Variants in SLCO2A1 observed in about 807,000 individuals in gnomAD.
SLCO2A1 encodes the protein solute carrier organic anion transporter family member 2A1, also known as matrin F/G 1.
Under a neutral mutation model 71.7 loss-of-function variants are expected in SLCO2A1, and 60 were observed. The ratio of observed to expected loss-of-function variants is 0.84; its 90% CI spans 0.68 to 1.04. The LOEUF is 1.04. Ranked by LOEUF, SLCO2A1 falls within the 50% of genes least tolerant of loss-of-function variation. The probability of loss-of-function intolerance (pLI) is 0.00; values close to 1 mark genes in which losing one functional copy is unlikely to be tolerated. For missense variants in SLCO2A1, 745 were observed against 813.4 expected (o/e 0.92, Z 1.02); for synonymous variants, 308 against 326.7 (o/e 0.94, Z 0.62).
chr3:133,968,468 C>T (rs528717169), intron 3 of SLCO2A1, among the ~76,000 whole-genome samples: 1 of 152,222 alleles, frequency 6.6e-6, no homozygotes, highest in Non-Finnish European at 1.5e-5. Context: ...CCACCGCCTT[C>T]TTTCCCAGGG....
intron 9 of SLCO2A1, 122 bp downstream of exon 9, chr3:133,947,133 CA>C (rs376201375): frequency 0.14 from 88,002 of 638,912 alleles, 32 homozygotes; most frequent in South Asian, 0.19. Context: ...GACTCTGTCT[CA>C]AAAAAAAAAA....
intron 1 of SLCO2A1, among the ~76,000 whole-genome samples, chr3:134,012,684 A>G (rs1188403452): frequency 6.6e-6 from 1 of 152,218 alleles, no homozygotes; most frequent in Admixed American, 6.5e-5. Flanking sequence ...GGACTTCTAC[A>G]TAGAAACCAG....
chr3:134,027,940 A>G (rs1014485895), intron 1 of SLCO2A1, among the ~76,000 whole-genome samples: 3 of 152,244 alleles, frequency 2.0e-5, no homozygotes, highest in African/African-American at 7.2e-5. Flanking sequence ...GACTAACAGA[A>G]TCTCATTTTT....
chr3:133,971,253 GCTCT>G (rs1216888215), intron 3 of SLCO2A1, among the ~76,000 whole-genome samples: 8 of 152,248 alleles, frequency 5.3e-5, no homozygotes, highest in Non-Finnish European at 1.0e-4. Flanking sequence ...TGGCCACACT[GCTCT>G]CTGAGAAGAT....
chr3:134,009,659 C>T (rs954848009), intron 1 of SLCO2A1, among the ~76,000 whole-genome samples: 2 of 152,222 alleles, frequency 1.3e-5, no homozygotes, highest in Admixed American at 6.5e-5. Flanking sequence ...GGCTTACAAC[C>T]ATGGGTTAGG....
At chr3:133,962,757 T>C (rs939460366) in intron 3 of SLCO2A1, among the ~76,000 whole-genome samples, 1 of 152,216 alleles carries the variant, frequency 6.6e-6, no homozygotes, top group Admixed American at 6.5e-5. Context: ...TATAGAAGCA[T>C]GGCAGGTTAG....
chr3:133,956,076 C>T (rs907274865), intron 3 of SLCO2A1, among the ~76,000 whole-genome samples: 1 of 152,196 alleles, frequency 6.6e-6, no homozygotes, highest in Non-Finnish European at 1.5e-5. Context: ...CTTAGGGGTT[C>T]TCGAGGGCTC....
chr3:133,946,889 C>A (rs1933591205), intron 9 of SLCO2A1, among the ~76,000 whole-genome samples: 2 of 151,986 alleles, frequency 1.3e-5, no homozygotes, highest in African/African-American at 4.8e-5. Flanking sequence ...CTGTGGCAGG[C>A]AGATCACTTG....
intron 3 of SLCO2A1, among the ~76,000 whole-genome samples, chr3:133,961,875 A>G (rs1255098215): frequency 1.3e-5 from 2 of 152,178 alleles, no homozygotes; most frequent in African/African-American, 4.8e-5. Context: ...AGGGAACAGC[A>G]GTTAAATGCA....
chr3:134,013,283 T>A (rs1274137540), intron 1 of SLCO2A1, among the ~76,000 whole-genome samples: 1 of 152,188 alleles, frequency 6.6e-6, no homozygotes, highest in Admixed American at 6.5e-5. Context: ...GAGGAAGTTT[T>A]CAAAAGGGCC....
chr3:133,973,601 C>A (rs1338055334), intron 3 of SLCO2A1, 62 bp downstream of exon 3: 1 of 1,577,026 alleles, frequency 6.3e-7, no homozygotes, highest in Non-Finnish European at 8.7e-7. Flanking sequence ...AGTATCCCCA[C>A]TAACTTTGTG....
At chr3:133,939,432 G>C (rs926440367) in intron 11 of SLCO2A1, among the ~76,000 whole-genome samples, 1 of 152,166 alleles carries the variant, frequency 6.6e-6, no homozygotes, top group African/African-American at 2.4e-5. Flanking sequence ...TGCTTGTCAG[G>C]AAGAGCCTTC....
At chr3:134,029,357 A>G (rs1479315695) in intron 1 of SLCO2A1, among the ~76,000 whole-genome samples, 3 of 152,172 alleles carry the variant, frequency 2.0e-5, no homozygotes, top group Non-Finnish European at 2.9e-5. Flanking sequence ...CCTCGAGATG[A>G]TCTTTTTCAA....
At chr3:133,988,635 C>G (rs938051281) in intron 1 of SLCO2A1, among the ~76,000 whole-genome samples, 1 of 152,136 alleles carries the variant, frequency 6.6e-6, no homozygotes, top group African/African-American at 2.4e-5. Context: ...CTCTTTTTGT[C>G]GACAACAGGA....
At chr3:133,988,797 G>A (rs908680868) in intron 1 of SLCO2A1, among the ~76,000 whole-genome samples, 3 of 152,152 alleles carry the variant, frequency 2.0e-5, no homozygotes, top group Admixed American at 2.0e-4. Context: ...TCTCTAGGCC[G>A]AGCTGACTGC....
intron 3 of SLCO2A1, among the ~76,000 whole-genome samples, chr3:133,960,482 G>C (rs1934010835): frequency 6.6e-6 from 1 of 152,214 alleles, no homozygotes; most frequent in African/African-American, 2.4e-5. Flanking sequence ...ATTTCACTGA[G>C]ATGAGGGATC....
chr3:133,950,587 C>T (rs1176003617), intron 6 of SLCO2A1, among the ~76,000 whole-genome samples: 1 of 152,200 alleles, frequency 6.6e-6, no homozygotes, highest in Non-Finnish European at 1.5e-5. Flanking sequence ...CCCAAGTGGC[C>T]ACCCAGTCAC....
intron 5 of SLCO2A1, among the ~76,000 whole-genome samples, chr3:133,951,661 C>T (rs1350932118): frequency 6.6e-6 from 1 of 152,222 alleles, no homozygotes; most frequent in Non-Finnish European, 1.5e-5. Context: ...CTCACAAGGG[C>T]ACACCATGGG....
intron 1 of SLCO2A1, among the ~76,000 whole-genome samples, chr3:133,988,439 G>A (rs1014525726): frequency 4.6e-5 from 7 of 152,120 alleles, no homozygotes; most frequent in African/African-American, 1.7e-4. Flanking sequence ...CGCCTTTCTG[G>A]ACCAAACCAA....
Sources: gnomAD v4.1 joint callset for allele counts (sites outside exome capture counted in the v4.1 genomes callset) on GRCh38, gnomAD v4.1.1 for gene constraint, MANE v1.5 for transcripts, NCBI Gene and HGNC (gene_info 2026-07-23, HGNC 2026-07-21) for gene names.